CTNNA2: variants seen among roughly 807,000 people sequenced by gnomAD.
CTNNA2 encodes the protein catenin alpha 2.
Under a neutral mutation model 101.0 loss-of-function variants are expected in CTNNA2, and 42 were observed. That is an observed-to-expected ratio of 0.42 (90% CI 0.32 to 0.54). The LOEUF (loss-of-function observed/expected upper bound fraction) is 0.54, where lower values mean the gene tolerates loss of function less well. Ranked by LOEUF, CTNNA2 falls within the 20% of genes least tolerant of loss-of-function variation. The pLI is 0.14. For missense variants in CTNNA2, 871 were observed against 1,223.1 expected, an observed-to-expected ratio of 0.71 and a Z score of 4.29; for synonymous variants, 450 against 456.4, an observed-to-expected ratio of 0.99 and a Z score of 0.18.
At chr2:80,295,770 T>G (rs1319023977) in intron 7 of CTNNA2, among the ~76,000 whole-genome samples, 1 of 152,238 alleles carries the variant, frequency 6.6e-6, no homozygotes. Context: ...TTCTAGACCC[T>G]ATTTCTTCCA....
At chr2:80,477,077 G>A (rs185805442) in intron 9 of CTNNA2, among the ~76,000 whole-genome samples, 2 of 152,266 alleles carry the variant, frequency 1.3e-5, no homozygotes, top group Admixed American at 1.3e-4. Context: ...CTGGCCTAGA[G>A]TTTATAGATA....
chr2:79,348,783 C>T (rs1457696072), intron 3 of CTNNA2, among the ~76,000 whole-genome samples: 3 of 152,172 alleles, frequency 2.0e-5, no homozygotes, highest in Admixed American at 6.6e-5. Flanking sequence ...CTAGACACAG[C>T]AGTCTTTACT....
intron 4 of CTNNA2, among the ~76,000 whole-genome samples, chr2:79,423,236 G>C (rs956873969): frequency 2.6e-5 from 4 of 152,112 alleles, no homozygotes; most frequent in African/African-American, 7.2e-5. Context: ...AGGTACTCTG[G>C]TCAATAGCAC....
intron 11 of CTNNA2, among the ~76,000 whole-genome samples, chr2:80,552,836 C>A (rs1014516959): frequency 1.3e-5 from 2 of 152,068 alleles, no homozygotes; most frequent in African/African-American, 4.8e-5. Flanking sequence ...TCTTATGGGA[C>A]TACCTTTAAG....
At position 80,381,811 on chromosome 2, in the gene CTNNA2, T is replaced by G. The variant is rs528612890; in HGVS notation, c.1057-11400T>G. On this transcript the variant is annotated intron_variant, in intron 7 of 18. Transcript: ENST00000402739. ...TCCTGCCTCCTTGTTCCATTAAGGG[T>G]TCTCATCTCTTAGAAGCACCATTTT... is the stretch of plus-strand genomic sequence containing the variant. 7.9e-5 allele frequency among the ~76,000 whole-genome samples: 12 copies of G among 152,246 alleles called. 1 individual carries two copies. The highest frequency in any genetic ancestry group is 2.9e-4 in the African/African-American group (12 of 41,558).
chr2:79,416,809 T>C (rs1678488682), intron 4 of CTNNA2, among the ~76,000 whole-genome samples: 1 of 152,028 alleles, frequency 6.6e-6, no homozygotes. Context: ...TTTAGGCAGC[T>C]CAATTCCTCT....
At chr2:79,420,773 T>G (rs1006492895) in intron 4 of CTNNA2, among the ~76,000 whole-genome samples, 1 of 152,156 alleles carries the variant, frequency 6.6e-6, no homozygotes, top group Non-Finnish European at 1.5e-5. Flanking sequence ...TTGATCTTTA[T>G]AAGCCGTTTC....
At chr2:79,690,505 A>G (rs758943779) in intron 2 of CTNNA2, among the ~76,000 whole-genome samples, 7 of 152,000 alleles carry the variant, frequency 4.6e-5, no homozygotes, top group Non-Finnish European at 1.0e-4. Context: ...TCCGTAGTAT[A>G]TATGTGCCAC....
chr2:79,254,829 A>G (rs1307993235), intron 2 of CTNNA2, among the ~76,000 whole-genome samples: 3 of 152,228 alleles, frequency 2.0e-5, no homozygotes, highest in Non-Finnish European at 4.4e-5. Context: ...TAAATAAGAT[A>G]TCCTACCTTT....
intron 4 of CTNNA2, among the ~76,000 whole-genome samples, chr2:79,421,204 A>T (rs763929715): frequency 8.5e-5 from 13 of 152,132 alleles, no homozygotes; most frequent in Non-Finnish European, 1.2e-4. Flanking sequence ...AGCAAATATA[A>T]AGTGTTCCTA....
chr2:79,834,878 A>C (rs1446623652), intron 3 of CTNNA2, among the ~76,000 whole-genome samples: 1 of 152,118 alleles, frequency 6.6e-6, no homozygotes, highest in Non-Finnish European at 1.5e-5. Flanking sequence ...TCTTTGAATT[A>C]AAGTCTAGTT....
chr2:79,325,392 C>T (rs1019262480), intron 3 of CTNNA2, among the ~76,000 whole-genome samples: 5 of 152,058 alleles, frequency 3.3e-5, no homozygotes, highest in African/African-American at 9.7e-5. Flanking sequence ...TCCAAGAGTT[C>T]GTACAAAAAT....
At chr2:80,035,815 AC>A in intron 7 of CTNNA2, among the ~76,000 whole-genome samples, 1 of 152,234 alleles carries the variant, frequency 6.6e-6, no homozygotes, top group East Asian at 1.9e-4. Context: ...CTAGGAAGAC[AC>A]CAAAACAACA....
intron 7 of CTNNA2, among the ~76,000 whole-genome samples, chr2:80,152,502 T>C (rs1260981260): frequency 1.3e-5 from 2 of 152,118 alleles, no homozygotes; most frequent in African/African-American, 4.8e-5. Flanking sequence ...ATTCCATAAA[T>C]GTTTGATGAG....
At chr2:79,679,514 T>TC (rs1444929400) in intron 2 of CTNNA2, among the ~76,000 whole-genome samples, 4 of 151,778 alleles carry the variant, frequency 2.6e-5, no homozygotes, top group Non-Finnish European at 5.9e-5. Context: ...TCTGCCCTGT[T>TC]CCCATTGCAG....
intron 7 of CTNNA2, among the ~76,000 whole-genome samples, chr2:80,009,237 C>T (rs918975953): frequency 1.3e-5 from 2 of 152,170 alleles, no homozygotes; most frequent in African/African-American, 4.8e-5. Context: ...AGCTTCTCCC[C>T]ACACCTCCAG....
At chr2:79,618,592 A>C (rs949946559) in intron 1 of CTNNA2, among the ~76,000 whole-genome samples, 1 of 152,110 alleles carries the variant, frequency 6.6e-6, no homozygotes, top group East Asian at 1.9e-4. Context: ...TAAGTCCCTC[A>C]GTGGATTCCC....
intron 1 of CTNNA2, among the ~76,000 whole-genome samples, chr2:79,521,127 TATATATATATA>T (rs1672087062): frequency 7.9e-5 from 1 of 12,704 alleles, no homozygotes; most frequent in South Asian, 2.7e-3. Context: ...TATATATATA[TATATATATATA>T]TATATATATA....
chr2:79,891,604 T>C (rs1053402901), intron 6 of CTNNA2, among the ~76,000 whole-genome samples: 25 of 152,168 alleles, frequency 1.6e-4, no homozygotes, highest in Non-Finnish European at 4.4e-5. Flanking sequence ...CCCCAGAGTG[T>C]GGCAGCCCTT....
Sources: allele counts gnomAD v4.1 joint callset (sites outside exome capture counted in the v4.1 genomes callset), GRCh38; gene constraint gnomAD v4.1.1; transcripts MANE v1.5; gene names NCBI Gene and HGNC (gene_info 2026-07-23, HGNC 2026-07-21).